The following NKAIN3 variants were observed in gnomAD, a reference collection of about 807,000 sequenced individuals.
NKAIN3 encodes sodium/potassium transporting ATPase interacting 3.
A neutral mutation model predicts 30.2 loss-of-function variants in NKAIN3; 25 were observed. The ratio of observed to expected loss-of-function variants is 0.83; its 90% CI spans 0.60 to 1.16. The LOEUF (loss-of-function observed/expected upper bound fraction) is 1.16, where lower values mean the gene tolerates loss of function less well. NKAIN3 is among the 50% of genes most tolerant of loss of function. The pLI, the probability that NKAIN3 is intolerant of heterozygous loss-of-function variation, is 0.00. For missense variants in NKAIN3, 225 were observed against 254.1 expected (o/e 0.89, Z 0.78); for synonymous variants, 91 against 89.6 (o/e 1.02, Z -0.09).
At chr8:62,402,800 G>A (rs535359530) in intron 1 of NKAIN3, among the ~76,000 whole-genome samples, 30 of 152,190 alleles carry the variant, frequency 2.0e-4, no homozygotes, top group Admixed American at 1.0e-3. Flanking sequence ...AATTGGTACC[G>A]CAAAAAGTGG....
chr8:62,733,395 T>C (rs914459407), intron 3 of NKAIN3, among the ~76,000 whole-genome samples: 3 of 152,200 alleles, frequency 2.0e-5, no homozygotes, highest in Non-Finnish European at 4.4e-5. Flanking sequence ...AATGCTTTTG[T>C]TTCATCATTT....
chr8:62,656,316 C>T (rs912543738), intron 3 of NKAIN3, among the ~76,000 whole-genome samples: 1 of 152,130 alleles, frequency 6.6e-6, no homozygotes, highest in South Asian at 2.1e-4. Flanking sequence ...TGCAGAATTT[C>T]AGCAGCTGTT....
At chr8:62,559,836 T>A (rs1354798676) in intron 1 of NKAIN3, among the ~76,000 whole-genome samples, 2 of 152,094 alleles carry the variant, frequency 1.3e-5, no homozygotes, top group African/African-American at 2.4e-5. Context: ...ACCTACTGTA[T>A]TTACCCATAT....
chr8:62,773,700 C>T (rs955542837), intron 4 of NKAIN3, among the ~76,000 whole-genome samples: 1 of 152,088 alleles, frequency 6.6e-6, no homozygotes. Context: ...CTCCTGCACA[C>T]GCTCTCTTGC....
At chr8:62,430,977 T>C (rs1359526850) in intron 1 of NKAIN3, among the ~76,000 whole-genome samples, 1 of 151,888 alleles carries the variant, frequency 6.6e-6, no homozygotes. Context: ...TAAGTACAGA[T>C]GGGATGAATC....
At chr8:62,805,343 A>T (rs536630193) in intron 4 of NKAIN3, among the ~76,000 whole-genome samples, 17 of 151,984 alleles carry the variant, frequency 1.1e-4, no homozygotes, top group Non-Finnish European at 1.8e-4. Context: ...CGCATTGCCA[A>T]GTCAATCCTA....
rs116499683 is a variant in NKAIN3 at position 62,497,138 on chromosome 8, G to A, written c.55-82401G>A. Among the ~76,000 whole-genome samples the A allele has an allele frequency of 5.6e-3, 854 of 152,022 alleles. 8 individuals are homozygous for A. Among genetic ancestry groups the A allele is most frequent in the African/African-American group, 0.017 (720 of 41,484 alleles). ...TTGTTTCTTCTGTTTTACAGCTAAA[G>A]ATTTTCTCTTAGCTTGACAAATTTA... On this transcript the variant is annotated intron_variant, in intron 1 of 6. Transcript: ENST00000623646.
chr8:62,364,072 A>T (rs542249292), intron 1 of NKAIN3, among the ~76,000 whole-genome samples: 1 of 152,218 alleles, frequency 6.6e-6, no homozygotes, highest in East Asian at 1.9e-4. Context: ...GTGAGCTTAA[A>T]TTTTTTCATG....
In NKAIN3 at chr8:62,873,421, C is replaced by T. The variant is rs764288551; in HGVS notation, c.472-45032C>T. Among the ~76,000 whole-genome samples, 5 of 150,150 alleles carry T rather than the reference C, an allele frequency of 3.3e-5. No homozygotes were observed. In the Admixed American group the frequency reaches 3.4e-4, roughly 10 times the overall value. On this transcript the variant is annotated intron_variant, in intron 4 of 6. Coordinates refer to ENST00000623646, the MANE Select transcript of NKAIN3 (RefSeq NM_001304533.3). ...TTAACACCCCACTGTCAGTATCAGA[C>T]AGATCAAAGAGACAGAAAATTAACA...
intron 3 of NKAIN3, among the ~76,000 whole-genome samples, chr8:62,605,410 C>T (rs1226259672): frequency 6.6e-6 from 1 of 151,794 alleles, no homozygotes; most frequent in Non-Finnish European, 1.5e-5. Context: ...AAATATGCAA[C>T]TGAAAACCGT....
intron 1 of NKAIN3, among the ~76,000 whole-genome samples, chr8:62,344,197 C>T (rs1160437855): frequency 1.3e-5 from 2 of 151,958 alleles, no homozygotes; most frequent in Non-Finnish European, 2.9e-5. Flanking sequence ...AAAGAAATCA[C>T]TTCTTTAAAA....
intron 4 of NKAIN3, among the ~76,000 whole-genome samples, chr8:62,800,656 G>A (rs1175248575): frequency 3.3e-5 from 5 of 152,164 alleles, no homozygotes; most frequent in African/African-American, 1.2e-4. Flanking sequence ...CAAATAGGAA[G>A]AGCTCCGGTC....
chr8:62,251,102 C>T (rs1039365825), intron 1 of NKAIN3, among the ~76,000 whole-genome samples: 2 of 152,110 alleles, frequency 1.3e-5, no homozygotes, highest in African/African-American at 4.8e-5. Context: ...GCAATCCATA[C>T]AGGACTTTGA....
At chr8:62,509,423 C>T (rs1175989231) in intron 1 of NKAIN3, among the ~76,000 whole-genome samples, 1 of 152,144 alleles carries the variant, frequency 6.6e-6, no homozygotes, top group African/African-American at 2.4e-5. Flanking sequence ...TTGCTTATTG[C>T]TGAGCTTCCC....
intron 3 of NKAIN3, among the ~76,000 whole-genome samples, chr8:62,629,087 A>C (rs1811873611): frequency 6.6e-6 from 1 of 152,176 alleles, no homozygotes; most frequent in South Asian, 2.1e-4. Flanking sequence ...AATGTAAGAC[A>C]TAGCCCCAGG....
chr8:62,508,065 C>A (rs920919312), intron 1 of NKAIN3, among the ~76,000 whole-genome samples: 2 of 152,176 alleles, frequency 1.3e-5, no homozygotes, highest in Admixed American at 1.3e-4. Context: ...ATATGTTATT[C>A]CTTGCAGGAA....
chr8:62,968,067 C>T lies in NKAIN3; in HGVS notation c.*2660C>T, dbSNP rs1048889537. Among the ~76,000 whole-genome samples, 49 of 152,148 alleles carry T rather than the reference C, an allele frequency of 3.2e-4. No individual in the cohort carries two copies. Among genetic ancestry groups the T allele is most frequent in the African/African-American group, 1.2e-3 (48 of 41,436 alleles). ...TATGAAGTTATAACTGTTTCAATCTCCAACCTCAGCAATCCATAAAGATTG... is the reference window on the plus strand; with the variant it reads ...TATGAAGTTATAACTGTTTCAATCTTCAACCTCAGCAATCCATAAAGATTG... On this transcript the variant is annotated 3_prime_UTR_variant, in exon 7 of 7. Transcript: ENST00000623646.
chr8:62,417,097 TC>T (rs1804470797), intron 1 of NKAIN3, among the ~76,000 whole-genome samples: 1 of 151,728 alleles, frequency 6.6e-6, no homozygotes, highest in Admixed American at 6.6e-5. Flanking sequence ...CCATTAACCT[TC>T]CCCACCTACA....
In NKAIN3 at chr8:62,700,125, GA is replaced by G. The variant is rs1318286743; in HGVS notation, c.274-46798del. 7.3e-5 allele frequency among the ~76,000 whole-genome samples: 11 copies of G among 150,904 alleles called. No homozygotes were observed. The East Asian group carries it at 1.6e-3, about 21-fold the overall frequency. ...GGGCAATAGAGCAAGACCCTGTCTC[GA>G]AAAAAAAATTAGTTGCTTGATGGTG... On this transcript the variant is annotated intron_variant, in intron 3 of 6. Coordinates refer to ENST00000623646, the MANE Select transcript of NKAIN3 (RefSeq NM_001304533.3).
Sources: allele counts gnomAD v4.1 joint callset (sites outside exome capture counted in the v4.1 genomes callset), GRCh38; gene constraint gnomAD v4.1.1; transcripts MANE v1.5; gene names NCBI Gene and HGNC (gene_info 2026-07-23, HGNC 2026-07-21).